ALCAM: variants seen among roughly 807,000 people sequenced by gnomAD.
ALCAM encodes CD166 antigen.
Under a neutral mutation model 70.9 loss-of-function variants are expected in ALCAM, and 30 were observed. The ratio of observed to expected loss-of-function variants is 0.42; its 90% CI spans 0.32 to 0.57. ALCAM has a LOEUF of 0.57. ALCAM is among the 20% of genes least tolerant of loss of function. The probability of loss-of-function intolerance (pLI) is 0.11; values close to 1 mark genes in which losing one functional copy is unlikely to be tolerated. For synonymous variants in ALCAM, 249 were observed against 242.5 expected (o/e 1.03, Z -0.25); for missense variants, 591 against 695.1 (o/e 0.85, Z 1.68).
chr3:105,532,082 G>T lies in ALCAM; in HGVS notation c.459+16G>T. ...GCTAAAAAAGGTAAGAATTGTTTTT[G>T]ATTAATACCTTTATTTAGCCAGTGT... On this transcript the variant is annotated intron_variant, in intron 4 of 15. Transcript: ENST00000306107. 1.2e-6 allele frequency: 2 copies of T among 1,605,266 alleles called. No individual in the cohort carries two copies. The highest frequency in any genetic ancestry group is 2.2e-5 in the South Asian group (2 of 90,626).
chr3:105,382,451 A>G (rs1935547117), intron 1 of ALCAM, among the ~76,000 whole-genome samples: 1 of 152,018 alleles, frequency 6.6e-6, no homozygotes, highest in Admixed American at 6.6e-5. Context: ...TTGGGTATAT[A>G]CCCAGTAATG....
Position 105,534,863 on chromosome 3 carries a change from T to C in ALCAM, c.730+18T>C. 6.3e-7 allele frequency: 1 copy of C among 1,577,776 alleles called. No homozygotes were observed. The highest frequency in any genetic ancestry group is 1.1e-5 in the South Asian group (1 of 87,512). ...TATTTACTGTAAGTAATTCAATATA[T>C]AATTATGCTATTTAATGTATTAGAA... On this transcript the variant is annotated intron_variant, in intron 6 of 15. Transcript: ENST00000306107.
At chr3:105,521,628 G>T (rs1264127858) in intron 2 of ALCAM, among the ~76,000 whole-genome samples, 1 of 152,136 alleles carries the variant, frequency 6.6e-6, no homozygotes, top group African/African-American at 2.4e-5. Flanking sequence ...TCCATAAAAT[G>T]AGATAAAAAT....
intron 8 of ALCAM, among the ~76,000 whole-genome samples, chr3:105,544,428 T>C (rs1004381651): frequency 6.6e-6 from 1 of 151,582 alleles, no homozygotes; most frequent in Non-Finnish European, 1.5e-5. Flanking sequence ...TCTTCATTTG[T>C]ACCTCTGTTT....
chr3:105,510,317 T>C (rs1009938267), intron 1 of ALCAM, among the ~76,000 whole-genome samples: 1 of 152,096 alleles, frequency 6.6e-6, no homozygotes, highest in Non-Finnish European at 1.5e-5. Flanking sequence ...TAGGAGTCTC[T>C]TGTAACCAAG....
At chr3:105,370,740 GC>G (rs1301214160) in intron 1 of ALCAM, among the ~76,000 whole-genome samples, 1 of 150,398 alleles carries the variant, frequency 6.6e-6, no homozygotes, top group Non-Finnish European at 1.5e-5. Flanking sequence ...AAAAAAAAAA[GC>G]GTGAAGGAGA....
At chr3:105,385,838 C>CTATTCT (rs1935638242) in intron 1 of ALCAM, among the ~76,000 whole-genome samples, 7 of 151,612 alleles carry the variant, frequency 4.6e-5, no homozygotes, top group Non-Finnish European at 8.9e-5. Context: ...AAGAATGTTA[C>CTATTCT]TTAATAGTAA....
chr3:105,471,944 T>G (rs1445756959), intron 1 of ALCAM, among the ~76,000 whole-genome samples: 1 of 151,398 alleles, frequency 6.6e-6, no homozygotes, highest in Admixed American at 6.6e-5. Flanking sequence ...CTTCCCAACC[T>G]TCTCTCCCAA....
At chr3:105,480,109 G>T (rs1259056390) in intron 1 of ALCAM, among the ~76,000 whole-genome samples, 1 of 151,992 alleles carries the variant, frequency 6.6e-6, no homozygotes, top group Admixed American at 6.6e-5. Context: ...TTCATTCATT[G>T]TCCTCAAATT....
At chr3:105,495,114 A>T (rs1938699359) in intron 1 of ALCAM, among the ~76,000 whole-genome samples, 1 of 152,160 alleles carries the variant, frequency 6.6e-6, no homozygotes, top group South Asian at 2.1e-4. Context: ...GGAAGCTTTG[A>T]ACATTTTATA....
At chr3:105,395,111 A>G (rs987597364) in intron 1 of ALCAM, among the ~76,000 whole-genome samples, 5 of 152,024 alleles carry the variant, frequency 3.3e-5, no homozygotes, top group African/African-American at 9.7e-5. Context: ...ATCAACATGT[A>G]TGATTTGACT....
chr3:105,508,795 C>T (rs1356563675), intron 1 of ALCAM, among the ~76,000 whole-genome samples: 1 of 144,680 alleles, frequency 6.9e-6, no homozygotes, highest in Admixed American at 7.1e-5. Flanking sequence ...TTATTAACCA[C>T]AGTCATCATG....
At chr3:105,417,544 C>T (rs1367393018) in intron 1 of ALCAM, among the ~76,000 whole-genome samples, 1 of 151,672 alleles carries the variant, frequency 6.6e-6, no homozygotes, top group Non-Finnish European at 1.5e-5. Flanking sequence ...CAAATCCCAG[C>T]GCGGCCACTT....
At position 105,497,692 on chromosome 3, in the gene ALCAM, C is replaced by T. The variant is rs117421576; in HGVS notation, c.74-22375C>T. Among the ~76,000 whole-genome samples, 148 of 152,172 alleles carry T rather than the reference C, an allele frequency of 9.7e-4. 3 individuals carry two copies. In the East Asian group the frequency reaches 0.028, roughly 29 times the overall value. On this transcript the variant is annotated intron_variant, in intron 1 of 15. Transcript: ENST00000306107. ...GCATTTAGAAGATATAGTCACTGAA[C>T]CCATATGTTGCCCATCAAAACTTTT...
At chr3:105,381,477 C>T (rs751521206) in intron 1 of ALCAM, among the ~76,000 whole-genome samples, 6 of 151,956 alleles carry the variant, frequency 3.9e-5, no homozygotes, top group Non-Finnish European at 7.4e-5. Flanking sequence ...AACTCCAAGA[C>T]TTTATCCATT....
At chr3:105,520,866 C>G (rs1215025825) in intron 2 of ALCAM, among the ~76,000 whole-genome samples, 1 of 152,124 alleles carries the variant, frequency 6.6e-6, no homozygotes, top group Non-Finnish European at 1.5e-5. Flanking sequence ...TTTCCCAATG[C>G]TGGACCACAG....
chr3:105,531,891 G>A (rs1939847783), intron 3 of ALCAM, 111 bp from the exon 4 acceptor site: 6 of 875,084 alleles, frequency 6.9e-6, no homozygotes, highest in Non-Finnish European at 1.2e-5. Context: ...TTTTTATTCT[G>A]TTGCTTATTC....
At chr3:105,570,640 G>C (rs369696891) in intron 14 of ALCAM, among the ~76,000 whole-genome samples, 5 of 152,000 alleles carry the variant, frequency 3.3e-5, no homozygotes, top group Non-Finnish European at 7.4e-5. Flanking sequence ...AGCAATCACC[G>C]GTAAAATAAA....
chr3:105,367,431 C>T lies in ALCAM; in HGVS notation c.23C>T (p.Ser8Phe), dbSNP rs781270007. ...AATATGGAATCCAAGGGGGCCAGTT[C>T]CTGCCGTCTGCTCTTCTGCCTCTTG... MESKGAS[S>F]CRLLFCLLIS... The change falls in exon 1 of 16, where the codon TCC becomes TTC. Residue 8 changes from serine to phenylalanine, a missense_variant. Physicochemically the swap from Ser to Phe is radical, Grantham distance 155. Transcript: ENST00000306107. 2.5e-6 allele frequency: 4 copies of T among 1,613,936 alleles called. No individual in the cohort carries two copies. In the African/African-American group the frequency reaches 5.3e-5, roughly 22 times the overall value.
Sources: gnomAD v4.1 joint callset for allele counts (sites outside exome capture counted in the v4.1 genomes callset) on GRCh38, gnomAD v4.1.1 for gene constraint, MANE v1.5 for transcripts, NCBI Gene and HGNC (gene_info 2026-07-23, HGNC 2026-07-21) for gene names.